SMYD3: variants seen among roughly 807,000 people sequenced by gnomAD.
SMYD3 encodes SET and MYND domain containing 3, also known as histone-lysine N-methyltransferase SMYD3.
In SMYD3, 36 loss-of-function variants were observed where a neutral mutation model predicts 57.7. The observed-to-expected ratio is 0.62, with a 90% CI of 0.48 to 0.82. The LOEUF (loss-of-function observed/expected upper bound fraction) is 0.82, where lower values mean the gene tolerates loss of function less well. SMYD3 is among the 40% of genes least tolerant of loss of function. SMYD3 has a pLI of 0.00. For missense variants in SMYD3, 515 were observed against 538.8 expected, an observed-to-expected ratio of 0.96 and a Z score of 0.44; for synonymous variants, 211 against 195.0, an observed-to-expected ratio of 1.08 and a Z score of -0.68.
intron 1 of SMYD3, among the ~76,000 whole-genome samples, chr1:246,433,542 T>A (rs2067329225): frequency 6.6e-6 from 1 of 152,090 alleles, no homozygotes; most frequent in South Asian, 2.1e-4. Context: ...GCGCCTGTAA[T>A]CCCAGCTACT....
intron 10 of SMYD3, among the ~76,000 whole-genome samples, chr1:245,850,968 G>C (rs999797080): frequency 2.7e-5 from 3 of 113,018 alleles, no homozygotes; most frequent in African/African-American, 1.3e-4. Flanking sequence ...CTAAACAGGG[G>C]TTTAGCCATA....
intron 5 of SMYD3, among the ~76,000 whole-genome samples, chr1:246,273,585 T>TC (rs2148552923): frequency 6.9e-6 from 1 of 145,446 alleles, no homozygotes; most frequent in East Asian, 2.0e-4. Context: ...CTTTTTTTTT[T>TC]TTTTTTTTTT....
intron 1 of SMYD3, among the ~76,000 whole-genome samples, chr1:246,384,420 G>C (rs1200888531): frequency 2.0e-5 from 3 of 151,384 alleles, no homozygotes; most frequent in Non-Finnish European, 4.4e-5. Flanking sequence ...TTTTGAGACA[G>C]AGTCTCACTC....
intron 5 of SMYD3, among the ~76,000 whole-genome samples, chr1:246,001,992 C>T (rs1169329822): frequency 6.6e-6 from 1 of 152,128 alleles, no homozygotes; most frequent in Non-Finnish European, 1.5e-5. Context: ...ATCACAGATA[C>T]TTTGTATACT....
chr1:246,225,507 T>A (rs2063318021), intron 5 of SMYD3, among the ~76,000 whole-genome samples: 2 of 152,046 alleles, frequency 1.3e-5, no homozygotes. Flanking sequence ...AGACAATAAC[T>A]ACATAGCAGT....
chr1:246,003,426 G>A (rs10754494), intron 5 of SMYD3, among the ~76,000 whole-genome samples: 41,060 of 152,118 alleles, frequency 0.27, 6,003 homozygotes, highest in East Asian at 0.55. Context: ...CAGGTGACAG[G>A]ATATATTATT....
At chr1:245,767,791 T>C (rs1380752890) in intron 10 of SMYD3, among the ~76,000 whole-genome samples, 1 of 152,090 alleles carries the variant, frequency 6.6e-6, no homozygotes, top group Non-Finnish European at 1.5e-5. Flanking sequence ...TTGCCAGCAG[T>C]GAGGCCAGGC....
At chr1:246,018,605 A>C (rs927624425) in intron 5 of SMYD3, among the ~76,000 whole-genome samples, 1 of 151,958 alleles carries the variant, frequency 6.6e-6, no homozygotes, top group Non-Finnish European at 1.5e-5. Context: ...TTGATTTTAA[A>C]CTTTTTTTCT....
At chr1:246,174,476 T>C (rs1018658179) in intron 5 of SMYD3, among the ~76,000 whole-genome samples, 2 of 152,206 alleles carry the variant, frequency 1.3e-5, no homozygotes, top group Non-Finnish European at 2.9e-5. Flanking sequence ...AGACCAGGTC[T>C]GGCCCTGTCG....
At chr1:246,014,135 C>G (rs898905295) in intron 5 of SMYD3, among the ~76,000 whole-genome samples, 1 of 152,082 alleles carries the variant, frequency 6.6e-6, no homozygotes, top group African/African-American at 2.4e-5. Context: ...CCAGCCTGGC[C>G]AACATGGCGA....
intron 5 of SMYD3, among the ~76,000 whole-genome samples, chr1:246,143,126 TACAC>T (rs370332515): frequency 0.053 from 7,697 of 146,046 alleles, 542 homozygotes; most frequent in East Asian, 0.26. Context: ...GTATATTTAA[TACAC>T]ACACACACAC....
intron 5 of SMYD3, among the ~76,000 whole-genome samples, chr1:246,177,260 A>G (rs1203519696): frequency 6.6e-6 from 1 of 152,214 alleles, no homozygotes; most frequent in African/African-American, 2.4e-5. Context: ...TACAACTTCA[A>G]TGCTGTCTTC....
At chr1:246,474,905 A>G (rs868717056) in intron 1 of SMYD3, among the ~76,000 whole-genome samples, 13 of 152,324 alleles carry the variant, frequency 8.5e-5, no homozygotes, top group Middle Eastern at 3.4e-3. Flanking sequence ...ACTGGTAAGA[A>G]CTAAGAAAAT....
intron 5 of SMYD3, among the ~76,000 whole-genome samples, chr1:246,241,532 T>G (rs1239741933): frequency 6.6e-6 from 1 of 152,186 alleles, no homozygotes; most frequent in Admixed American, 6.5e-5. Context: ...ATATTCATCA[T>G]GGATATTGGT....
intron 5 of SMYD3, among the ~76,000 whole-genome samples, chr1:246,137,422 T>C (rs1340649008): frequency 6.6e-6 from 1 of 152,184 alleles, no homozygotes; most frequent in African/African-American, 2.4e-5. Context: ...GCCAAAGAAA[T>C]ATTGTCAGAA....
chr1:246,044,236 A>C (rs1383806869), intron 5 of SMYD3, among the ~76,000 whole-genome samples: 8 of 152,220 alleles, frequency 5.3e-5, no homozygotes, highest in Non-Finnish European at 5.9e-5. Context: ...ACCTCAATTT[A>C]GTTCTCAGTG....
intron 5 of SMYD3, among the ~76,000 whole-genome samples, chr1:246,317,648 G>A (rs1325094386): frequency 6.6e-6 from 1 of 152,180 alleles, no homozygotes; most frequent in Non-Finnish European, 1.5e-5. Context: ...GCCACGATAA[G>A]CATGTGAGGT....
intron 1 of SMYD3, among the ~76,000 whole-genome samples, chr1:246,475,044 C>T (rs7528676): frequency 0.033 from 4,956 of 152,234 alleles, 229 homozygotes; most frequent in African/African-American, 0.1. Context: ...TGGTCGGGCG[C>T]GGTGGCTCAC....
chr1:246,179,444 T>G (rs1318015557), intron 5 of SMYD3, among the ~76,000 whole-genome samples: 1 of 152,222 alleles, frequency 6.6e-6, no homozygotes, highest in East Asian at 1.9e-4. Context: ...TTGCCACCAC[T>G]GAATTCTATT....
Sources: gnomAD v4.1 joint callset for allele counts (sites outside exome capture counted in the v4.1 genomes callset) on GRCh38, gnomAD v4.1.1 for gene constraint, MANE v1.5 for transcripts, NCBI Gene and HGNC (gene_info 2026-07-23, HGNC 2026-07-21) for gene names.